The following CACNA1C variants were observed in gnomAD, a reference collection of about 807,000 sequenced individuals.
The protein encoded by CACNA1C is calcium voltage-gated channel subunit alpha1 C.
Under a neutral mutation model 229.0 loss-of-function variants are expected in CACNA1C, and 30 were observed. The ratio of observed to expected loss-of-function variants is 0.13; its 90% CI spans 0.10 to 0.18. CACNA1C has a LOEUF of 0.18. Ranked by LOEUF, CACNA1C falls within the 10% of genes least tolerant of loss-of-function variation. The probability of loss-of-function intolerance (pLI) is 1.00; values close to 1 mark genes in which losing one functional copy is unlikely to be tolerated. For synonymous variants in CACNA1C, 1,114 were observed against 1,132.5 expected (o/e 0.98, Z 0.33); for missense variants, 1,658 against 2,845.0 (o/e 0.58, Z 9.49).
chr12:2,403,645 A>AC lies in CACNA1C; in HGVS notation c.478-45331_478-45330insC, dbSNP rs34314354. On this transcript the variant is annotated intron_variant, in intron 3 of 46. Coordinates refer to ENST00000399655, the MANE Select transcript of CACNA1C (RefSeq NM_000719.7). The surrounding 1 kb of genome is among the most constrained non-coding windows in gnomAD (Gnocchi z 4.1). ...GATGCATTGACACTATATGATTAGGAAAGTACAGTAAATAACAGATGAGAA... is the reference window on the plus strand; with the variant it reads ...GATGCATTGACACTATATGATTAGGACAAGTACAGTAAATAACAGATGAGAA... Among the ~76,000 whole-genome samples the AC allele has an allele frequency of 0.19, 28,652 of 152,014 alleles. 3,232 individuals are homozygous for AC. Among genetic ancestry groups the AC allele is most frequent in the African/African-American group, 0.31 (12,890 of 41,384 alleles).
intron 3 of CACNA1C, among the ~76,000 whole-genome samples, chr12:2,227,668 G>C (rs1392341777): frequency 6.6e-6 from 1 of 152,098 alleles, no homozygotes; most frequent in African/African-American, 2.4e-5. Flanking sequence ...ACTCCTACTT[G>C]ACAATACACC....
At chr12:2,004,192 C>G in intron 1 of CACNA1C, 1 of 1,555,430 alleles carries the variant, frequency 6.4e-7, no homozygotes, top group Non-Finnish European at 8.7e-7. Flanking sequence ...AACGTCTCCT[C>G]CCCCTCACCG....
At chr12:2,122,856 G>A (rs975741356) in intron 3 of CACNA1C, among the ~76,000 whole-genome samples, 7 of 152,192 alleles carry the variant, frequency 4.6e-5, no homozygotes, top group African/African-American at 1.7e-4. Context: ...GACCGCTGAG[G>A]CCTGCACATC....
At chr12:2,206,738 C>T (rs2097766966) in intron 3 of CACNA1C, among the ~76,000 whole-genome samples, 3 of 152,238 alleles carry the variant, frequency 2.0e-5, no homozygotes, top group South Asian at 2.1e-4. Flanking sequence ...CTAGGTAGTC[C>T]ATAGGTGCAT....
At chr12:2,145,334 G>A (rs987777446) in intron 3 of CACNA1C, among the ~76,000 whole-genome samples, 1 of 150,856 alleles carries the variant, frequency 6.6e-6, no homozygotes, top group African/African-American at 2.4e-5. Context: ...TAGAATTGCT[G>A]GTTTTGGCCT....
At chr12:2,610,500 TTAAC>T (rs777936204) in intron 27 of CACNA1C, 37 bp from the exon 28 acceptor site, 1 of 1,581,018 alleles carries the variant, frequency 6.3e-7, no homozygotes, top group Non-Finnish European at 8.6e-7. Flanking sequence ...CACCCTCCAG[TTAAC>T]TAACCCCACT....
chr12:2,321,417 T>A (rs891020325), intron 3 of CACNA1C, among the ~76,000 whole-genome samples: 12 of 152,088 alleles, frequency 7.9e-5, no homozygotes, highest in African/African-American at 2.7e-4. Context: ...GTAGGGCTGA[T>A]GGGATGATTG....
rs1474761355 is a variant in CACNA1C, at chr12:2,140,590, G to A, written c.477+20160G>A. On this transcript the variant is annotated intron_variant, in intron 3 of 46. Transcript: ENST00000399655. ...TCTTTGCTTCTCTTGACCTCTGTTTGTTCATTTTTCTTAATCTAGGAGAGG... is the reference window on the plus strand; with the variant it reads ...TCTTTGCTTCTCTTGACCTCTGTTTATTCATTTTTCTTAATCTAGGAGAGG... Among the ~76,000 whole-genome samples, 4 of 151,226 alleles carry A rather than the reference G, an allele frequency of 2.6e-5. No individual in the cohort carries two copies. In the East Asian group the frequency reaches 7.7e-4, roughly 29 times the overall value.
At chr12:2,004,212 G>A (rs754864982) in intron 1 of CACNA1C, 2 of 1,589,010 alleles carry the variant, frequency 1.3e-6, no homozygotes, top group Admixed American at 1.7e-5. Context: ...GGGTCCTCAA[G>A]TCCTGAGTCT....
chr12:2,477,435 A>AG (rs2099635596), intron 5 of CACNA1C, among the ~76,000 whole-genome samples: 1 of 152,178 alleles, frequency 6.6e-6, no homozygotes, highest in East Asian at 1.9e-4. Flanking sequence ...CTTAATGGAA[A>AG]GGTGATGGTG....
chr12:2,580,160 A>T (rs1425955941), intron 13 of CACNA1C, among the ~76,000 whole-genome samples: 2 of 152,230 alleles, frequency 1.3e-5, no homozygotes, highest in Middle Eastern at 3.2e-3. Flanking sequence ...GTGAGACAAG[A>T]CTGTATAGAA....
chr12:2,611,883 C>T lies in CACNA1C; in HGVS notation c.3718-20C>T. The T allele has an allele frequency of 7.2e-6, 11 of 1,521,080 alleles. No homozygotes were observed. Among genetic ancestry groups the T allele is most frequent in the Non-Finnish European group, 1.0e-5 (11 of 1,095,822 alleles). The allele number at this position is 1,521,080 out of a possible 1,614,324, so 94.2% of individuals were successfully genotyped here. A position where few individuals can be genotyped will look rare whatever the true frequency, so the allele number is the denominator to read the frequency against. ...ACCTCCCTGCCCCGTGTTCACAGCT[C>T]CTCCCCTCTCCTGATGCAGCACTAC... On this transcript the variant is annotated intron_variant, in intron 28 of 46. Coordinates refer to ENST00000399655, the MANE Select transcript of CACNA1C (RefSeq NM_000719.7).
At chr12:2,026,789 C>T (rs945711741) in intron 1 of CACNA1C, among the ~76,000 whole-genome samples, 3 of 152,124 alleles carry the variant, frequency 2.0e-5, no homozygotes, top group Admixed American at 6.5e-5. Flanking sequence ...TTACTGTGTA[C>T]AAGACTTTGC....
At chr12:2,084,028 T>C (rs1488467738) in intron 1 of CACNA1C, among the ~76,000 whole-genome samples, 1 of 152,250 alleles carries the variant, frequency 6.6e-6, no homozygotes, top group Non-Finnish European at 1.5e-5. Flanking sequence ...TAAAGGATTT[T>C]AAAATGCTGA....
intron 3 of CACNA1C, among the ~76,000 whole-genome samples, chr12:2,391,240 A>G (rs2098474571): frequency 6.6e-6 from 1 of 152,180 alleles, no homozygotes; most frequent in Non-Finnish European, 1.5e-5. Context: ...TTTGTGGTGC[A>G]TCCACACGGA....
Position 2,373,517 on chromosome 12 carries a change from C to A in CACNA1C, c.478-75459C>A, listed in dbSNP as rs10466898. On this transcript the variant is annotated intron_variant, in intron 3 of 46. Coordinates refer to ENST00000399655, the MANE Select transcript of CACNA1C (RefSeq NM_000719.7). ...CTGGGACAAGCTAGAGAGAGGGTGT[C>A]CCAGGCAGCATGCAGAGGCCAGCAT... Among the ~76,000 whole-genome samples, 1,375 of 152,116 alleles carry A rather than the reference C, an allele frequency of 9.0e-3. 24 individuals are homozygous for A. Among genetic ancestry groups the A allele is most frequent in the African/African-American group, 0.031 (1,303 of 41,454 alleles).
chr12:2,482,728 A>G (rs2099681198), intron 5 of CACNA1C, among the ~76,000 whole-genome samples: 1 of 152,126 alleles, frequency 6.6e-6, no homozygotes, highest in African/African-American at 2.4e-5. Flanking sequence ...AAAGCACCCT[A>G]TTCCACCTTC....
chr12:2,144,752 A>G (rs755669549), intron 3 of CACNA1C, among the ~76,000 whole-genome samples: 1 of 151,436 alleles, frequency 6.6e-6, no homozygotes, highest in Non-Finnish European at 1.5e-5. Flanking sequence ...ATTGAAAAAA[A>G]TGTTTTAGGG....
chr12:2,378,671 T>C lies in CACNA1C; in HGVS notation c.478-70305T>C, dbSNP rs115686521. ...ATTCTAAATAAGGTCGGGGATAAAA[T>C]ACTCCCCGTGGGGGAAGAGTGTTCC... On this transcript the variant is annotated intron_variant, in intron 3 of 46. Coordinates refer to ENST00000399655, the MANE Select transcript of CACNA1C (RefSeq NM_000719.7). Among the ~76,000 whole-genome samples, 1,158 of 152,312 alleles carry C rather than the reference T, an allele frequency of 7.6e-3. 13 individuals are homozygous for C. Among genetic ancestry groups the C allele is most frequent in the African/African-American group, 0.025 (1,046 of 41,570 alleles).
Sources: gnomAD v4.1 joint callset for allele counts (sites outside exome capture counted in the v4.1 genomes callset) on GRCh38, gnomAD v4.1.1 for gene constraint, Gnocchi (gnomAD v3.1) non-coding constraint, MANE v1.5 for transcripts, NCBI Gene and HGNC (gene_info 2026-07-23, HGNC 2026-07-21) for gene names.